NLGN1: variants seen among roughly 807,000 people sequenced by gnomAD.
NLGN1 encodes the protein neuroligin-1.
A neutral mutation model predicts 65.5 loss-of-function variants in NLGN1; 12 were observed. That is an observed-to-expected ratio of 0.18 (90% CI 0.12 to 0.30). The LOEUF (loss-of-function observed/expected upper bound fraction) is 0.30. Among genes scored for constraint, NLGN1 ranks in the 10% least tolerant of loss-of-function variants. The probability of loss-of-function intolerance (pLI) is 1.00; values close to 1 mark genes in which losing one functional copy is unlikely to be tolerated. For synonymous variants in NLGN1, 350 were observed against 359.5 expected, an observed-to-expected ratio of 0.97 and a Z score of 0.30; for missense variants, 750 against 1,007.1, an observed-to-expected ratio of 0.74 and a Z score of 3.46.
chr3:173,799,031 T>G (rs1322783051), intron 3 of NLGN1, among the ~76,000 whole-genome samples: 1 of 152,042 alleles, frequency 6.6e-6, no homozygotes, highest in East Asian at 1.9e-4. Context: ...TTTAACAATC[T>G]TTCCCTATGA....
intron 4 of NLGN1, among the ~76,000 whole-genome samples, chr3:173,875,645 A>G (rs1355941692): frequency 6.6e-6 from 1 of 152,218 alleles, no homozygotes; most frequent in Non-Finnish European, 1.5e-5. Flanking sequence ...ATGAGAAAAT[A>G]TTATGATTTT....
intron 4 of NLGN1, among the ~76,000 whole-genome samples, chr3:173,979,879 C>T (rs944401206): frequency 6.6e-6 from 1 of 152,062 alleles, no homozygotes; most frequent in African/African-American, 2.4e-5. Context: ...GAATACTCAA[C>T]ATGTTCAATG....
At chr3:174,029,321 G>T (rs1047874037) in intron 4 of NLGN1, among the ~76,000 whole-genome samples, 1 of 152,212 alleles carries the variant, frequency 6.6e-6, no homozygotes, top group African/African-American at 2.4e-5. Flanking sequence ...CTGGATGAAA[G>T]ACATGGAGTC....
intron 3 of NLGN1, among the ~76,000 whole-genome samples, chr3:173,711,651 G>A (rs3850178): frequency 0.15 from 22,199 of 152,074 alleles, 1,680 homozygotes; most frequent in Middle Eastern, 0.18. Flanking sequence ...TCTTTTGCCC[G>A]GGAACCTTAT....
chr3:173,554,552 A>C (rs541705827), intron 2 of NLGN1, among the ~76,000 whole-genome samples: 1 of 152,232 alleles, frequency 6.6e-6, no homozygotes, highest in Non-Finnish European at 1.5e-5. Context: ...CTAGAACTTC[A>C]GTAGAAATGA....
intron 2 of NLGN1, among the ~76,000 whole-genome samples, chr3:173,484,908 A>G (rs1560319576): frequency 1.3e-5 from 2 of 152,032 alleles, no homozygotes; most frequent in South Asian, 2.1e-4. Flanking sequence ...TTTCTACTGA[A>G]CTAGATGTTC....
chr3:174,280,408 G>C lies in NLGN1; in HGVS notation c.1650-73G>C, dbSNP rs1751340760. On this transcript the variant is annotated intron_variant, in intron 6 of 6. Transcript: ENST00000457714. This position sits in a 1 kb window ranked among gnomAD's most constrained non-coding sequence, Gnocchi z 4.9. ...TGCTGAGTCATCTATTTAATTATTA[G>C]ATGTTAAAGTAGTGTGATTTTAAGT... 4 of 978,854 alleles carry C rather than the reference G, an allele frequency of 4.1e-6. No homozygotes were observed. The highest frequency in any genetic ancestry group is 6.1e-6 in the Non-Finnish European group (4 of 660,356). The allele number at this position is 978,854 out of a possible 1,614,324, so 60.6% of individuals were successfully genotyped here.
intron 4 of NLGN1, chr3:173,910,528 A>G (rs552473869): frequency 1.1e-4 from 16 of 152,052 alleles, no homozygotes; most frequent in South Asian, 2.1e-4. Context: ...CACAGGATAA[A>G]ATAGGAATAA....
At chr3:173,475,741 T>C (rs776375548) in intron 2 of NLGN1, among the ~76,000 whole-genome samples, 12 of 152,304 alleles carry the variant, frequency 7.9e-5, no homozygotes, top group South Asian at 4.1e-4. Context: ...GTATGTTTTA[T>C]CTCTTTGAAC....
intron 4 of NLGN1, among the ~76,000 whole-genome samples, chr3:174,199,283 T>G (rs1399972332): frequency 6.6e-6 from 1 of 151,908 alleles, no homozygotes; most frequent in Non-Finnish European, 1.5e-5. Flanking sequence ...GAATAACACA[T>G]ACCCCGTAAG....
Position 173,545,059 on chromosome 3 carries a change from T to G in NLGN1, c.-320-59220T>G, listed in dbSNP as rs183235692. 2.0e-4 allele frequency among the ~76,000 whole-genome samples: 25 copies of G among 124,134 alleles called. No individual in the cohort carries two copies. In the South Asian group the frequency reaches 5.8e-3, roughly 29 times the overall value. 81.4% of individuals were successfully genotyped at this position (124,134 alleles called of 152,430 possible). On this transcript the variant is annotated intron_variant, in intron 2 of 6. Coordinates refer to ENST00000457714, the Ensembl canonical transcript of NLGN1. ...AGTTTTGTGTGTGTGTGTGTGTGGTTGTTTTTTTTGTTTGTTTTGTTTTGT... is the reference window on the plus strand; with the variant it reads ...AGTTTTGTGTGTGTGTGTGTGTGGTGGTTTTTTTTGTTTGTTTTGTTTTGT...
chr3:173,910,145 G>A (rs572729695), intron 4 of NLGN1, among the ~76,000 whole-genome samples: 9 of 152,266 alleles, frequency 5.9e-5, no homozygotes, highest in South Asian at 2.1e-4. Flanking sequence ...CTGATCGTTG[G>A]TAGAAGTTTC....
intron 3 of NLGN1, among the ~76,000 whole-genome samples, chr3:173,686,929 G>A (rs1560169816): frequency 1.3e-5 from 2 of 152,002 alleles, no homozygotes; most frequent in South Asian, 4.1e-4. Flanking sequence ...CTCCAGCCCA[G>A]GTGACAGAGC....
intron 4 of NLGN1, among the ~76,000 whole-genome samples, chr3:174,048,542 AT>A (rs1173593486): frequency 6.6e-6 from 1 of 151,974 alleles, no homozygotes; most frequent in Non-Finnish European, 1.5e-5. Context: ...CTGAAAAAAA[AT>A]GTAGGTCCGT....
At chr3:173,738,162 T>C (rs1774077998) in intron 3 of NLGN1, among the ~76,000 whole-genome samples, 1 of 152,034 alleles carries the variant, frequency 6.6e-6, no homozygotes, top group Admixed American at 6.6e-5. Flanking sequence ...TTTTATGAGA[T>C]ACATGATTTG....
At position 174,267,849 on chromosome 3, in the gene NLGN1, T is replaced by C. The variant is rs529375839; in HGVS notation, c.647-7466T>C. On this transcript the variant is annotated intron_variant, in intron 4 of 6. Transcript: ENST00000457714. ...ATTCAGCAAACATGTATATAATGAC[T>C]ATCTGGGGACAATTACAGTGGATAG... Among the ~76,000 whole-genome samples the C allele has an allele frequency of 5.9e-5, 9 of 152,276 alleles. No homozygotes were observed. The East Asian group carries it at 1.4e-3, about 23-fold the overall frequency.
intron 3 of NLGN1, among the ~76,000 whole-genome samples, chr3:173,780,915 G>A (rs1260304489): frequency 6.6e-6 from 1 of 152,036 alleles, no homozygotes; most frequent in African/African-American, 2.4e-5. Context: ...GCCGAGGCGG[G>A]CGGATCACGA....
chr3:174,273,808 C>CATTT (rs1479984164), intron 4 of NLGN1, among the ~76,000 whole-genome samples: 1 of 151,634 alleles, frequency 6.6e-6, no homozygotes, highest in Admixed American at 6.6e-5. Flanking sequence ...TAAGCACTTT[C>CATTT]ATTTCTTCAA....
intron 4 of NLGN1, among the ~76,000 whole-genome samples, chr3:173,877,702 A>AT (rs1426260685): frequency 2.0e-5 from 3 of 152,134 alleles, no homozygotes; most frequent in South Asian, 2.1e-4. Flanking sequence ...TCAACCTTAA[A>AT]TTTTTTTAAA....
Sources: gnomAD v4.1 joint callset for allele counts (sites outside exome capture counted in the v4.1 genomes callset) on GRCh38, gnomAD v4.1.1 for gene constraint, Gnocchi (gnomAD v3.1) non-coding constraint, MANE v1.5 for transcripts, NCBI Gene and HGNC (gene_info 2026-07-23, HGNC 2026-07-21) for gene names.